The following CADM2 variants were observed in gnomAD, a reference collection of about 807,000 sequenced individuals.
CADM2 encodes the protein cell adhesion molecule 2, also known as immunoglobulin superfamily member 4D.
CADM2 carries 12 observed loss-of-function variants against 49.8 expected under a neutral mutation model. That is an observed-to-expected ratio of 0.24 (90% CI 0.15 to 0.39). The LOEUF (loss-of-function observed/expected upper bound fraction) is 0.39. Ranked by LOEUF, CADM2 falls within the 10% of genes least tolerant of loss-of-function variation. The pLI is 1.00. For missense variants in CADM2, 378 were observed against 492.3 expected (o/e 0.77, Z 2.20); for synonymous variants, 214 against 175.4 (o/e 1.22, Z -1.74).
At chr3:85,405,961 C>T (rs570406015) in intron 1 of CADM2, among the ~76,000 whole-genome samples, 1 of 151,560 alleles carries the variant, frequency 6.6e-6, no homozygotes, top group Non-Finnish European at 1.5e-5. Flanking sequence ...TAAAAGTAGA[C>T]ATAGATATAT....
chr3:85,894,493 T>TAA (rs377430978), intron 5 of CADM2, among the ~76,000 whole-genome samples: 2 of 147,076 alleles, frequency 1.4e-5, no homozygotes, highest in Non-Finnish European at 3.0e-5. Flanking sequence ...ACTTAAAGTA[T>TAA]AAAAAAAAAA....
intron 1 of CADM2, among the ~76,000 whole-genome samples, chr3:85,495,299 T>C: frequency 6.6e-6 from 1 of 152,156 alleles, no homozygotes; most frequent in East Asian, 1.9e-4. Context: ...TGCATTTTTG[T>C]AAGAAATCAT....
chr3:85,206,399 C>G (rs542438158), intron 1 of CADM2, among the ~76,000 whole-genome samples: 3 of 151,552 alleles, frequency 2.0e-5, no homozygotes, highest in African/African-American at 7.3e-5. Context: ...GCTCCGCCTC[C>G]CAGGTTCACA....
intron 1 of CADM2, among the ~76,000 whole-genome samples, chr3:85,331,619 A>T (rs371772404): frequency 4.6e-5 from 7 of 152,136 alleles, no homozygotes; most frequent in East Asian, 3.9e-4. Flanking sequence ...ACTGATTTTC[A>T]TCCTTTTGGG....
intron 1 of CADM2, among the ~76,000 whole-genome samples, chr3:85,394,086 C>T (rs933929713): frequency 4.5e-4 from 69 of 152,204 alleles, no homozygotes; most frequent in African/African-American, 1.6e-3. Context: ...TAAGCCACCG[C>T]GCCTGGCCTG....
chr3:85,349,964 G>A (rs994391481), intron 1 of CADM2, among the ~76,000 whole-genome samples: 7 of 152,134 alleles, frequency 4.6e-5, no homozygotes, highest in African/African-American at 1.7e-4. Context: ...GCCTGCTGAT[G>A]TTTCATTGAA....
chr3:85,254,663 G>C (rs1235044923), intron 1 of CADM2, among the ~76,000 whole-genome samples: 1 of 152,128 alleles, frequency 6.6e-6, no homozygotes, highest in African/African-American at 2.4e-5. Flanking sequence ...AATGTGAGAA[G>C]GGTGTGATGA....
chr3:85,354,643 A>AGAGAGAG (rs71108278), intron 1 of CADM2, among the ~76,000 whole-genome samples: 2 of 149,108 alleles, frequency 1.3e-5, no homozygotes, highest in South Asian at 2.1e-4. Flanking sequence ...AGAGAGAGAG[A>AGAGAGAG]AGCCTATTCT....
At chr3:85,287,834 A>G (rs2043671870) in intron 1 of CADM2, among the ~76,000 whole-genome samples, 1 of 152,024 alleles carries the variant, frequency 6.6e-6, no homozygotes, top group South Asian at 2.1e-4. Flanking sequence ...AATCTCAGCA[A>G]ACTATCGCAA....
At chr3:86,005,251 G>GT (rs1255680905) in intron 8 of CADM2, among the ~76,000 whole-genome samples, 5 of 152,066 alleles carry the variant, frequency 3.3e-5, no homozygotes, top group Non-Finnish European at 2.9e-5. Flanking sequence ...TATTTATTTT[G>GT]TTTTTTAAAT....
intron 1 of CADM2, among the ~76,000 whole-genome samples, chr3:85,538,534 C>T (rs915368233): frequency 1.3e-5 from 2 of 152,018 alleles, no homozygotes; most frequent in African/African-American, 4.8e-5. Flanking sequence ...TGTTTTAATG[C>T]TTTAAAAATG....
intron 1 of CADM2, among the ~76,000 whole-genome samples, chr3:85,704,866 A>AT (rs531343116): frequency 0.041 from 5,891 of 144,758 alleles, 151 homozygotes; most frequent in South Asian, 0.06. Context: ...TATTATTATT[A>AT]TTTTTTTTTT....
chr3:85,491,508 A>G (rs1433583208), intron 1 of CADM2, among the ~76,000 whole-genome samples: 1 of 152,198 alleles, frequency 6.6e-6, no homozygotes, highest in African/African-American at 2.4e-5. Flanking sequence ...ATGTGAGCGT[A>G]TATGACATAA....
At chr3:85,334,099 T>G (rs759892688) in intron 1 of CADM2, among the ~76,000 whole-genome samples, 2 of 151,576 alleles carry the variant, frequency 1.3e-5, no homozygotes, top group Non-Finnish European at 3.0e-5. Flanking sequence ...CAAATAAAAA[T>G]AATTTGAAGA....
chr3:85,756,682 C>A (rs2069138884), intron 2 of CADM2, among the ~76,000 whole-genome samples: 1 of 151,990 alleles, frequency 6.6e-6, no homozygotes, highest in Admixed American at 6.6e-5. Flanking sequence ...AGGTTAATGT[C>A]AAAATATTAG....
intron 1 of CADM2, among the ~76,000 whole-genome samples, chr3:85,370,615 G>A (rs1464342199): frequency 6.6e-6 from 1 of 152,060 alleles, no homozygotes; most frequent in East Asian, 1.9e-4. Context: ...CAGTGCATAG[G>A]ACTTGGTGAT....
chr3:85,438,985 G>A (rs1199658697), intron 1 of CADM2, among the ~76,000 whole-genome samples: 1 of 151,800 alleles, frequency 6.6e-6, no homozygotes, highest in African/African-American at 2.4e-5. Context: ...ACCATGCCTG[G>A]CCTCATCTTA....
chr3:85,955,477 A>G (rs538706752), intron 7 of CADM2, among the ~76,000 whole-genome samples: 1 of 151,596 alleles, frequency 6.6e-6, no homozygotes, highest in South Asian at 2.1e-4. Flanking sequence ...GTTAGGAAGC[A>G]AGAACCTAAA....
intron 1 of CADM2, among the ~76,000 whole-genome samples, chr3:85,445,568 C>A (rs1177613527): frequency 1.3e-5 from 2 of 152,036 alleles, no homozygotes; most frequent in Non-Finnish European, 2.9e-5. Context: ...TTCTTGCCTT[C>A]AGGAACTTGC....
Sources: allele counts gnomAD v4.1 joint callset (sites outside exome capture counted in the v4.1 genomes callset), GRCh38; gene constraint gnomAD v4.1.1; transcripts MANE v1.5; gene names NCBI Gene and HGNC (gene_info 2026-07-23, HGNC 2026-07-21).